The following DOCK7 variants were observed in gnomAD, a reference collection of about 807,000 sequenced individuals.
DOCK7 encodes the protein dedicator of cytokinesis protein 7.
DOCK7 carries 138 observed loss-of-function variants against 271.0 expected under a neutral mutation model. The ratio of observed to expected loss-of-function variants is 0.51; its 90% CI spans 0.44 to 0.59. DOCK7 has a LOEUF of 0.59. DOCK7 is among the 20% of genes least tolerant of loss of function. The probability of loss-of-function intolerance (pLI) is 0.00; values close to 1 mark genes in which losing one functional copy is unlikely to be tolerated. For missense variants in DOCK7, 2,066 were observed against 2,592.4 expected (o/e 0.80, Z 4.41); for synonymous variants, 823 against 876.1 (o/e 0.94, Z 1.07).
chr1:62,553,673 T>C (rs1293336793), intron 21 of DOCK7, among the ~76,000 whole-genome samples: 4 of 151,660 alleles, frequency 2.6e-5, no homozygotes, highest in East Asian at 3.9e-4. Context: ...AGAAAGAAAA[T>C]AAAAACACTC....
intron 21 of DOCK7, among the ~76,000 whole-genome samples, chr1:62,553,354 ATTTTTTTTTTTTTT>A (rs1159680880): frequency 4.5e-3 from 78 of 17,252 alleles, no homozygotes; most frequent in Middle Eastern, 0.033. Context: ...ATATATATAT[ATTTTTTTTTTTTTT>A]TTTTTTTTTT....
chr1:62,547,102 T>C (rs1036293240), intron 22 of DOCK7, among the ~76,000 whole-genome samples: 1 of 152,148 alleles, frequency 6.6e-6, no homozygotes, highest in Non-Finnish European at 1.5e-5. Flanking sequence ...CTACAATATA[T>C]GATAATCGCT....
chr1:62,681,881 C>T (rs1414396185), intron 1 of DOCK7, among the ~76,000 whole-genome samples: 3 of 152,002 alleles, frequency 2.0e-5, no homozygotes, highest in African/African-American at 4.8e-5. Context: ...CGATTCCACC[C>T]GAATGACTTC....
intron 25 of DOCK7, among the ~76,000 whole-genome samples, chr1:62,540,381 C>T (rs1180940716): frequency 6.6e-6 from 1 of 152,064 alleles, no homozygotes; most frequent in Non-Finnish European, 1.5e-5. Context: ...CTGTGTTGCC[C>T]AGGCTGGTCT....
At position 62,455,277 on chromosome 1, in the gene DOCK7, A is replaced by G. The variant is rs1232941611; in HGVS notation, c.*137T>C. On this transcript the variant is annotated 3_prime_UTR_variant, in exon 50 of 50. Transcript: ENST00000635253. ...CTCAAGCGTTAACAATCTACATTTG[A>G]TATTTTCTTGGCCACTGCATTCTTC... 2.3e-6 allele frequency: 2 copies of G among 874,998 alleles called. No homozygotes were observed. The highest frequency in any genetic ancestry group is 3.7e-6 in the Non-Finnish European group (2 of 537,310). The allele number at this position is 874,998 out of a possible 1,614,324, so 54.2% of individuals were successfully genotyped here. A position where few individuals can be genotyped will look rare whatever the true frequency, so the allele number is the denominator to read the frequency against.
chr1:62,611,972 C>A (rs865860380), intron 14 of DOCK7, among the ~76,000 whole-genome samples: 1 of 147,858 alleles, frequency 6.8e-6, no homozygotes, highest in South Asian at 2.2e-4. Context: ...CAGTGAAATC[C>A]CATCTCTAGT....
At chr1:62,652,023 T>G (rs1657446247) in intron 4 of DOCK7, among the ~76,000 whole-genome samples, 1 of 152,286 alleles carries the variant, frequency 6.6e-6, no homozygotes, top group South Asian at 2.1e-4. Context: ...TCCTCCAAGA[T>G]GTGCTCACCC....
intron 14 of DOCK7, chr1:62,604,145 C>T: frequency 6.2e-7 from 1 of 1,613,218 alleles, no homozygotes. Flanking sequence ...TGGCAATGTC[C>T]CCAATGCAAT....
chr1:62,536,590 T>C (rs1258990852), intron 28 of DOCK7, among the ~76,000 whole-genome samples: 1 of 152,184 alleles, frequency 6.6e-6, no homozygotes, highest in Non-Finnish European at 1.5e-5. Flanking sequence ...TCCAGAAGAT[T>C]TTTTTACAGA....
At position 62,583,200 on chromosome 1, in the gene DOCK7, C is replaced by T. The variant is rs773165094; in HGVS notation, c.1855G>A (p.Val619Ile). 45 of 1,612,364 alleles carry T rather than the reference C, an allele frequency of 2.8e-5. No homozygotes were observed. Among genetic ancestry groups the T allele is most frequent in the South Asian group, 4.4e-5 (4 of 90,944 alleles). ...ATTCAGTACCTGTTATGATATACTA[C>T]GGCTGTATAGGCTTCCTTTGAAAAT... is the stretch of plus-strand genomic sequence containing the variant. ...SEFSKEAYTA[V>I]VYHNRSPDFH... is the part of the protein sequence containing the mutation. Residue 619 changes from valine to isoleucine, a missense_variant, in exon 16 of 50, where the codon GTA becomes ATA. Physicochemically the swap from Val to Ile is conservative, Grantham distance 29. Coordinates refer to ENST00000635253, the MANE Select transcript of DOCK7 (RefSeq NM_001367561.1).
chr1:62,496,244 C>T, intron 38 of DOCK7, 95 bp downstream of exon 38: 4 of 1,379,780 alleles, frequency 2.9e-6, no homozygotes, highest in Non-Finnish European at 4.0e-6. Flanking sequence ...AATAAATGAT[C>T]CTCCAGCAAA....
chr1:62,552,998 C>A, intron 21 of DOCK7, 97 bp from the exon 22 acceptor site: 8 of 777,690 alleles, frequency 1.0e-5, no homozygotes, highest in Non-Finnish European at 1.5e-5. Flanking sequence ...CCACAAAGAT[C>A]ATGAATTGCT....
chr1:62,619,891 T>C lies in DOCK7; in HGVS notation c.1519+9A>G. The C allele has an allele frequency of 6.3e-7, 1 of 1,595,354 alleles. No individual in the cohort carries two copies. On this transcript the variant is annotated intron_variant, in intron 13 of 49. Coordinates refer to ENST00000635253, the MANE Select transcript of DOCK7 (RefSeq NM_001367561.1). ...GTTGCAACCATTTCTACTCAAAATTTTTAAATACCTGTAATAGGTCTTAGT... is the reference window on the plus strand; with the variant it reads ...GTTGCAACCATTTCTACTCAAAATTCTTAAATACCTGTAATAGGTCTTAGT...
Position 62,489,819 on chromosome 1 carries a change from C to A in DOCK7, c.5362-754G>T, listed in dbSNP as rs1389523739. Reference sequence around the variant, plus strand: ...ACACTGGTCACAGATACCCAATTCTCCTATAATAGCATCCTGGGACATAAA... The same window carrying A: ...ACACTGGTCACAGATACCCAATTCTACTATAATAGCATCCTGGGACATAAA... On this transcript the variant is annotated intron_variant, in intron 41 of 49. Transcript: ENST00000635253. Among the ~76,000 whole-genome samples the A allele has an allele frequency of 2.0e-5, 3 of 152,252 alleles. No individual in the cohort carries two copies. The East Asian group carries it at 5.8e-4, about 29-fold the overall frequency.
At chr1:62,634,679 A>G in intron 9 of DOCK7, 94 bp downstream of exon 9, 1 of 1,291,934 alleles carries the variant, frequency 7.7e-7, no homozygotes, top group Non-Finnish European at 1.1e-6. Flanking sequence ...AAAATATGTA[A>G]AGGTCAAATC....
Position 62,619,848 on chromosome 1 carries a change from A to G in DOCK7, c.1519+52T>C, listed in dbSNP as rs765773968. On this transcript the variant is annotated intron_variant, in intron 13 of 49. Transcript: ENST00000635253. ...GATACATAATTATAAGCAATACAAC[A>G]TAGTAGTGATAATAATAGTTGCAAC... is the stretch of plus-strand genomic sequence containing the variant. 58 of 1,183,158 alleles carry G rather than the reference A, an allele frequency of 4.9e-5. 1 individual carries two copies. Among genetic ancestry groups the G allele is most frequent in the Non-Finnish European group, 6.2e-5 (50 of 803,690 alleles). 73.3% of individuals were successfully genotyped at this position (1,183,158 alleles called of 1,614,324 possible).
At position 62,688,338 on chromosome 1, in the gene DOCK7, C is replaced by T. The variant is rs1274719734; in HGVS notation, c.-74G>A. ...GCGGACCGGCGGGCGCGTGCCTCCT[C>T]GCTCGTGCTCCCTCCCTCGCGGCCT... On this transcript the variant is annotated 5_prime_UTR_variant, in exon 1 of 50. Coordinates refer to ENST00000635253, the MANE Select transcript of DOCK7 (RefSeq NM_001367561.1). 1 of 1,013,246 alleles carries T rather than the reference C, an allele frequency of 9.9e-7. No individual in the cohort carries two copies. Among genetic ancestry groups the T allele is most frequent in the Non-Finnish European group, 1.2e-6 (1 of 805,152 alleles). 62.8% of individuals were successfully genotyped at this position (1,013,246 alleles called of 1,614,324 possible). A position where few individuals can be genotyped will look rare whatever the true frequency, so the allele number is the denominator to read the frequency against.
At chr1:62,654,306 T>C (rs1444937146) in intron 2 of DOCK7, 147 bp from the exon 3 acceptor site, 1 of 748,600 alleles carries the variant, frequency 1.3e-6, no homozygotes. Flanking sequence ...CCAGATGCAC[T>C]AAAGAAAACA....
intron 49 of DOCK7, among the ~76,000 whole-genome samples, chr1:62,455,789 G>A (rs1645330712): frequency 6.6e-6 from 1 of 152,068 alleles, no homozygotes; most frequent in Admixed American, 6.6e-5. Context: ...GCAAAAGGCA[G>A]GTGTTTATTA....
Sources: gnomAD v4.1 joint callset for allele counts (sites outside exome capture counted in the v4.1 genomes callset) on GRCh38, gnomAD v4.1.1 for gene constraint, MANE v1.5 for transcripts, NCBI Gene and HGNC (gene_info 2026-07-23, HGNC 2026-07-21) for gene names.